HNRNPA0: variants seen among roughly 807,000 people sequenced by gnomAD.
The protein encoded by HNRNPA0 is heterogeneous nuclear ribonucleoprotein A0, also known as hnRNA binding protein.
For missense variants in HNRNPA0, 252 were observed against 433.7 expected (o/e 0.58, Z 3.72); for synonymous variants, 243 against 195.5 (o/e 1.24, Z -2.03).
rs139902760 is a variant in HNRNPA0 at position 137,753,965 on chromosome 5, C to G, written c.102G>C (p.Thr34=). ...RGHFEAFGTL[T]DCVVVVNPQT... Reference sequence around the variant, plus strand: ...GGGGATTCACCACCACCACGCAGTCCGTCAGAGTCCCAAAGGCCTCAAAGT... The same window carrying G: ...GGGGATTCACCACCACCACGCAGTCGGTCAGAGTCCCAAAGGCCTCAAAGT... Residue 34 remains threonine, a synonymous_variant, in exon 1 of 1, where the codon ACG becomes ACC. Transcript: ENST00000314940. The surrounding 1 kb of genome is among the most constrained non-coding windows in gnomAD (Gnocchi z 6.1). 1.9e-4 allele frequency: 308 copies of G among 1,614,044 alleles called. No homozygotes were observed. Among genetic ancestry groups the G allele is most frequent in the Non-Finnish European group, 2.4e-4 (282 of 1,180,034 alleles).
chr5:137,749,425 C>T lies in HNRNPA0; in HGVS notation c.*3724G>A, dbSNP rs538951219. The T allele has an allele frequency of 6.6e-6, 1 of 152,218 alleles. No homozygotes were observed. The highest frequency in any genetic ancestry group is 2.1e-4 in the South Asian group (1 of 4,822). 9.4% of individuals were successfully genotyped at this position (152,218 alleles called of 1,614,324 possible). ...CTTCTAGTCTTCCTACTTTGGAATTCCTTTTTAAATAGCAGCTTTCAAATA... is the reference window on the plus strand; with the variant it reads ...CTTCTAGTCTTCCTACTTTGGAATTTCTTTTTAAATAGCAGCTTTCAAATA... On this transcript the variant is annotated 3_prime_UTR_variant, in exon 1 of 1. Transcript: ENST00000314940.
chr5:137,749,029 A>G lies in HNRNPA0; in HGVS notation c.*4120T>C, dbSNP rs1753453969. 6.6e-6 allele frequency: 1 copy of G among 152,214 alleles called. No homozygotes were observed. Among genetic ancestry groups the G allele is most frequent in the African/African-American group, 2.4e-5 (1 of 41,464 alleles). The allele number at this position is 152,214 out of a possible 1,614,324, so 9.4% of individuals were successfully genotyped here. A position where few individuals can be genotyped will look rare whatever the true frequency, so the allele number is the denominator to read the frequency against. Reference sequence around the variant, plus strand: ...GAATTCCAACCAGAACGCAAGGTATATGAAGACAGCAACCATGTTTGTCTC... The same window carrying G: ...GAATTCCAACCAGAACGCAAGGTATGTGAAGACAGCAACCATGTTTGTCTC... On this transcript the variant is annotated 3_prime_UTR_variant, in exon 1 of 1. Coordinates refer to ENST00000314940, the MANE Select transcript of HNRNPA0 (RefSeq NM_006805.4).
rs761630393 is a variant in HNRNPA0, at chr5:137,753,142, T to C, written c.*7A>G. 1.2e-6 allele frequency: 2 copies of C among 1,610,200 alleles called. No homozygotes were observed. The highest frequency in any genetic ancestry group is 8.5e-7 in the Non-Finnish European group (1 of 1,177,982). On this transcript the variant is annotated 3_prime_UTR_variant, in exon 1 of 1. Coordinates refer to ENST00000314940, the MANE Select transcript of HNRNPA0 (RefSeq NM_006805.4). This position sits in a 1 kb window ranked among gnomAD's most constrained non-coding sequence, Gnocchi z 6.1. ...TATAGCCACTCCCAGGCATTTTAAA[T>C]TTTCTTTTAGAAGGAGCTGCCTCCA...
rs755121928 is a variant in HNRNPA0, at chr5:137,753,413, G to A, written c.654C>T (p.Asn218=). 6 of 1,549,100 alleles carry A rather than the reference G, an allele frequency of 3.9e-6. No individual in the cohort carries two copies. The highest frequency in any genetic ancestry group is 2.4e-5 in the East Asian group (1 of 40,904). The part of the protein sequence containing the change: ...GLSKGGGGGY[N]SYGGYGGGGG... ...CGCCGCCGCCGTAACCACCGTAGCT[G>A]TTGTAACCGCCGCCGCCGCCCTTGG... Residue 218 remains asparagine (N), a synonymous_variant, in exon 1 of 1, where the codon AAC becomes AAT. Coordinates refer to ENST00000314940, the MANE Select transcript of HNRNPA0 (RefSeq NM_006805.4). This position sits in a 1 kb window ranked among gnomAD's most constrained non-coding sequence, Gnocchi z 6.1.
rs1011790457 is a variant in HNRNPA0 at position 137,748,588 on chromosome 5, C to T, written c.*4561G>A. The T allele has an allele frequency of 1.3e-5, 2 of 152,170 alleles. No individual in the cohort carries two copies. Among genetic ancestry groups the T allele is most frequent in the African/African-American group, 2.4e-5 (1 of 41,442 alleles). The allele number at this position is 152,170 out of a possible 1,614,324, so 9.4% of individuals were successfully genotyped here. A position where few individuals can be genotyped will look rare whatever the true frequency, so the allele number is the denominator to read the frequency against. ...GCATTCTTTCACTGAATCTGCCCAACAATCCTATGTAGCAGGTATTACCAT... is the reference window on the plus strand; with the variant it reads ...GCATTCTTTCACTGAATCTGCCCAATAATCCTATGTAGCAGGTATTACCAT... On this transcript the variant is annotated 3_prime_UTR_variant, in exon 1 of 1. Transcript: ENST00000314940.
In HNRNPA0 at chr5:137,752,458, C is replaced by T. The variant is rs550702575; in HGVS notation, c.*691G>A. 6.6e-6 allele frequency: 1 copy of T among 152,246 alleles called. No homozygotes were observed. The highest frequency in any genetic ancestry group is 1.5e-5 in the Non-Finnish European group (1 of 68,024). The allele number at this position is 152,246 out of a possible 1,614,324, so 9.4% of individuals were successfully genotyped here. On this transcript the variant is annotated 3_prime_UTR_variant, in exon 1 of 1. Coordinates refer to ENST00000314940, the MANE Select transcript of HNRNPA0 (RefSeq NM_006805.4). ...TGCCTGTAAGGGATATAATTCAACA[C>T]GCAACTAGCAGGGCAACAGGAGAGG...
Position 137,751,137 on chromosome 5 carries a change from G to A in HNRNPA0, c.*2012C>T, listed in dbSNP as rs1753490185. ...AGTGTACAACTATTTGAGAGCAAAG[G>A]ATTTGACTATGTATTACCTCAATGT... On this transcript the variant is annotated 3_prime_UTR_variant, in exon 1 of 1. Coordinates refer to ENST00000314940, the MANE Select transcript of HNRNPA0 (RefSeq NM_006805.4). The A allele has an allele frequency of 6.6e-6, 1 of 152,012 alleles. No individual in the cohort carries two copies. The highest frequency in any genetic ancestry group is 1.5e-5 in the Non-Finnish European group (1 of 67,980). The allele number at this position is 152,012 out of a possible 1,614,324, so 9.4% of individuals were successfully genotyped here. A position where few individuals can be genotyped will look rare whatever the true frequency, so the allele number is the denominator to read the frequency against.
rs757133494 is a variant in HNRNPA0 at position 137,753,470 on chromosome 5, C to A, written c.597G>T (p.Gly199=). The change falls in exon 1 of 1, where the codon GGG becomes GGT. Residue 199 remains glycine, a synonymous_variant. Coordinates refer to ENST00000314940, the MANE Select transcript of HNRNPA0 (RefSeq NM_006805.4). This position sits in a 1 kb window ranked among gnomAD's most constrained non-coding sequence, Gnocchi z 6.1. ...CGTTCTGGTCTCGACCACCGCCGCG[C>A]CCCCGGCCGCCTCGGCCGCCCCGGG... is the stretch of plus-strand genomic sequence containing the variant. ...RSSRGGRGGR[G]RGGGRDQNGL... is the part of the protein sequence containing the mutation. The A allele has an allele frequency of 8.3e-6, 13 of 1,569,114 alleles. No homozygotes were observed. The highest frequency in any genetic ancestry group is 1.1e-5 in the Non-Finnish European group (13 of 1,156,764).
chr5:137,748,918 TGAACAATATGA>T lies in HNRNPA0; in HGVS notation c.*4220_*4230del, dbSNP rs767095435. On this transcript the variant is annotated 3_prime_UTR_variant, in exon 1 of 1. Transcript: ENST00000314940. ...GGAGCTAACTCCAATTTTGATGGTG[TGAACAATATGA>T]GATTGTGACACAATGCTGTAAAGGA... 13 of 145,970 alleles carry T rather than the reference TGAACAATATGA, an allele frequency of 8.9e-5. No individual in the cohort carries two copies. The highest frequency in any genetic ancestry group is 1.9e-4 in the Non-Finnish European group (12 of 64,644). 9.0% of individuals were successfully genotyped at this position (145,970 alleles called of 1,614,324 possible).
In HNRNPA0 at chr5:137,746,259, G is replaced by A. The variant is rs75106703; in HGVS notation, c.*6890C>T. The stretch of plus-strand genomic sequence containing the variant: ...GAAAGCAGCTGTATGAAAGGAATAG[G>A]AATTTTGGGAAACACATCTTTTAAA... On this transcript the variant is annotated 3_prime_UTR_variant, in exon 1 of 1. Transcript: ENST00000314940. The A allele has an allele frequency of 6.6e-6, 1 of 152,124 alleles. No homozygotes were observed. The highest frequency in any genetic ancestry group is 6.5e-5 in the Admixed American group (1 of 15,280). 9.4% of individuals were successfully genotyped at this position (152,124 alleles called of 1,614,324 possible).
chr5:137,750,355 C>G lies in HNRNPA0; in HGVS notation c.*2794G>C, dbSNP rs1036079214. On this transcript the variant is annotated 3_prime_UTR_variant, in exon 1 of 1. Coordinates refer to ENST00000314940, the MANE Select transcript of HNRNPA0 (RefSeq NM_006805.4). Reference sequence around the variant, plus strand: ...AATACTCAACCTGTATCATCTCTAACAGCCTTTCAAACCACTTTCAACTAA... The same window carrying G: ...AATACTCAACCTGTATCATCTCTAAGAGCCTTTCAAACCACTTTCAACTAA... The G allele has an allele frequency of 2.0e-5, 3 of 152,162 alleles. No homozygotes were observed. Among genetic ancestry groups the G allele is most frequent in the African/African-American group, 7.2e-5 (3 of 41,454 alleles). The allele number at this position is 152,162 out of a possible 1,614,324, so 9.4% of individuals were successfully genotyped here.
Position 137,747,187 on chromosome 5 carries a change from G to A in HNRNPA0, c.*5962C>T, listed in dbSNP as rs917538493. 1.3e-5 allele frequency: 2 copies of A among 152,144 alleles called. No individual in the cohort carries two copies. Among genetic ancestry groups the A allele is most frequent in the Admixed American group, 6.5e-5 (1 of 15,276 alleles). The allele number at this position is 152,144 out of a possible 1,614,324, so 9.4% of individuals were successfully genotyped here. On this transcript the variant is annotated 3_prime_UTR_variant, in exon 1 of 1. Transcript: ENST00000314940. ...GTGGCCACTCACAATCTCTTGCTAA[G>A]TATATGAGAAAGAGAAGGAGCAAAT...
At position 137,753,069 on chromosome 5, in the gene HNRNPA0, T is replaced by C; in HGVS notation, c.*80A>G. On this transcript the variant is annotated 3_prime_UTR_variant, in exon 1 of 1. Coordinates refer to ENST00000314940, the MANE Select transcript of HNRNPA0 (RefSeq NM_006805.4). The surrounding 1 kb of genome is among the most constrained non-coding windows in gnomAD (Gnocchi z 6.1). ...AGGGAAGGCGGTGTGTGTGAGGGGGTGGGGCTTAGGAGTTGACCCCACTTG... is the reference window on the plus strand; with the variant it reads ...AGGGAAGGCGGTGTGTGTGAGGGGGCGGGGCTTAGGAGTTGACCCCACTTG... 2 of 1,433,668 alleles carry C rather than the reference T, an allele frequency of 1.4e-6. No individual in the cohort carries two copies. Among genetic ancestry groups the C allele is most frequent in the Admixed American group, 2.1e-5 (1 of 47,840 alleles). The allele number at this position is 1,433,668 out of a possible 1,614,324, so 88.8% of individuals were successfully genotyped here. A position where few individuals can be genotyped will look rare whatever the true frequency, so the allele number is the denominator to read the frequency against.
chr5:137,753,495 G>C lies in HNRNPA0; in HGVS notation c.572C>G (p.Ser191Cys). Residue 191 changes from serine to cysteine, a missense_variant, in exon 1 of 1, where the codon TCC (serine) becomes TGC (cysteine). By Grantham distance (112) the Ser-to-Cys change is moderately radical. Transcript: ENST00000314940. This position sits in a 1 kb window ranked among gnomAD's most constrained non-coding sequence, Gnocchi z 6.1. ...SGGGGGGSRS[S>C]RGGRGGRGRG... is the part of the protein sequence containing the mutation. ...CCCCCGGCCGCCTCGGCCGCCCCGG[G>C]AGGATCGGGAGCCGCCTCCACCCCC... is the stretch of plus-strand genomic sequence containing the variant. The C allele has an allele frequency of 1.3e-6, 2 of 1,592,150 alleles. No homozygotes were observed. The highest frequency in any genetic ancestry group is 1.7e-6 in the Non-Finnish European group (2 of 1,169,048).
rs1753542332 is a variant in HNRNPA0, at chr5:137,753,349, C to A, written c.718G>T (p.Gly240Cys). ...TAGTCGCTCCCACCGTAGGACGAAC[C>A]GCCGCCGCCGCCTCCGTAGGCATTG... The part of the protein sequence containing the change: ...GYNAYGGGGG[G>C]SSYGGSDYGN... The change falls in exon 1 of 1, where the codon GGT becomes TGT. Residue 240 changes from glycine (G) to cysteine (C), a missense_variant. Transcript: ENST00000314940. The surrounding 1 kb of genome is among the most constrained non-coding windows in gnomAD (Gnocchi z 6.1). The A allele has an allele frequency of 3.9e-6, 6 of 1,549,012 alleles. No homozygotes were observed. The highest frequency in any genetic ancestry group is 1.7e-4 in the Middle Eastern group (1 of 5,980).
In HNRNPA0 at chr5:137,752,312, G is replaced by C. The variant is rs944318370; in HGVS notation, c.*837C>G. The C allele has an allele frequency of 6.6e-6, 1 of 152,190 alleles. No homozygotes were observed. Among genetic ancestry groups the C allele is most frequent in the Non-Finnish European group, 1.5e-5 (1 of 68,020 alleles). 9.4% of individuals were successfully genotyped at this position (152,190 alleles called of 1,614,324 possible). ...TATAGAACTACACAGTACACAGTTT[G>C]AAGTAAATTGTCATAGAAATGACCA... On this transcript the variant is annotated 3_prime_UTR_variant, in exon 1 of 1. Transcript: ENST00000314940.
chr5:137,754,347 G>C lies in HNRNPA0; in HGVS notation c.-281C>G, dbSNP rs866567566. The C allele has an allele frequency of 4.5e-5, 21 of 463,180 alleles. No individual in the cohort carries two copies. The South Asian group carries it at 6.1e-4, about 13-fold the overall frequency. The allele number at this position is 463,180 out of a possible 1,614,324, so 28.7% of individuals were successfully genotyped here. On this transcript the variant is annotated 5_prime_UTR_variant, in exon 1 of 1. Transcript: ENST00000314940. ...CGCCGCCACCTCCGCTCCCCTATCT[G>C]GGCACCACACAAAGAGGCCGCTGAA... is the stretch of plus-strand genomic sequence containing the variant.
At position 137,749,340 on chromosome 5, in the gene HNRNPA0, G is replaced by A. The variant is rs1021306871; in HGVS notation, c.*3809C>T. ...TCCTGAATCCTTTCCCTCTCTGAAG[G>A]TTCAAATCATCTGGCTTCAAATCAA... On this transcript the variant is annotated 3_prime_UTR_variant, in exon 1 of 1. Transcript: ENST00000314940. 2.0e-5 allele frequency: 3 copies of A among 152,112 alleles called. No individual in the cohort carries two copies. Among genetic ancestry groups the A allele is most frequent in the African/African-American group, 7.2e-5 (3 of 41,424 alleles). 9.4% of individuals were successfully genotyped at this position (152,112 alleles called of 1,614,324 possible). A position where few individuals can be genotyped will look rare whatever the true frequency, so the allele number is the denominator to read the frequency against.
rs1344461266 is a variant in HNRNPA0, at chr5:137,752,481, A to AG, written c.*667dup. On this transcript the variant is annotated 3_prime_UTR_variant, in exon 1 of 1. Transcript: ENST00000314940. Reference sequence around the variant, plus strand: ...CACGCAACTAGCAGGGCAACAGGAGAGGGGAAAAAAACCACAGGACCTCTT... The same window carrying AG: ...CACGCAACTAGCAGGGCAACAGGAGAGGGGGAAAAAAACCACAGGACCTCTT... The AG allele has an allele frequency of 6.6e-6, 1 of 152,292 alleles. No homozygotes were observed. Among genetic ancestry groups the AG allele is most frequent in the Non-Finnish European group, 1.5e-5 (1 of 68,038 alleles). The allele number at this position is 152,292 out of a possible 1,614,324, so 9.4% of individuals were successfully genotyped here.
Sources: gnomAD v4.1 joint callset for allele counts on GRCh38, gnomAD v4.1.1 for gene constraint, Gnocchi (gnomAD v3.1) non-coding constraint, MANE v1.5 for transcripts, NCBI Gene and HGNC (gene_info 2026-07-23, HGNC 2026-07-21) for gene names.